Variants in TXNDC12 observed in about 807,000 individuals in gnomAD.
The protein encoded by TXNDC12 is thioredoxin domain-containing protein 12.
In TXNDC12, 22 loss-of-function variants were observed where a neutral mutation model predicts 24.2. The ratio of observed to expected loss-of-function variants is 0.91; its 90% confidence interval spans 0.65 to 1.30. The LOEUF is 1.30. Among genes scored for constraint, TXNDC12 ranks in the 50% most tolerant of loss-of-function variants. TXNDC12 has a pLI of 0.00. For missense variants in TXNDC12, 184 were observed against 205.8 expected (o/e 0.89, Z 0.65); for synonymous variants, 58 against 73.4 (o/e 0.79, Z 1.07).
chr1:52,033,252 T>C, intron 2 of TXNDC12: 1 of 1,613,990 alleles, frequency 6.2e-7, no homozygotes, highest in South Asian at 1.1e-5. Context: ...GTTCCTTGGG[T>C]ACGTCGGCCT....
At chr1:52,034,912 C>T (rs912077850) in intron 2 of TXNDC12, among the ~76,000 whole-genome samples, 7 of 151,954 alleles carry the variant, frequency 4.6e-5, no homozygotes, top group African/African-American at 1.2e-4. Context: ...TATGGGTGTG[C>T]GCCACCATAT....
chr1:52,030,606 C>T (rs1236145138), intron 2 of TXNDC12: 5 of 152,218 alleles, frequency 3.3e-5, no homozygotes, highest in African/African-American at 1.2e-4. Context: ...AATATACCAT[C>T]AACCAAGGCA....
upstream of TXNDC12, chr1:52,055,735 A>C (rs889008059): frequency 2.0e-5 from 3 of 152,294 alleles, no homozygotes; most frequent in African/African-American, 7.2e-5. Flanking sequence ...TTTTCCTTGC[A>C]ACCGCAAATC....
chr1:52,055,244 A>G (rs1339167700), upstream of TXNDC12: 14 of 629,174 alleles, frequency 2.2e-5, no homozygotes, highest in Non-Finnish European at 3.7e-5. Context: ...GTGATGTTAG[A>G]CGGATGTGGG....
chr1:52,023,411 C>G, intron 6 of TXNDC12, 80 bp downstream of exon 6: 1 of 1,172,958 alleles, frequency 8.5e-7, no homozygotes, highest in Non-Finnish European at 1.3e-6. Context: ...GCTGAATTTA[C>G]TTTCCTATCA....
At chr1:52,031,435 G>A (rs1685754148) in intron 2 of TXNDC12, among the ~76,000 whole-genome samples, 1 of 151,968 alleles carries the variant, frequency 6.6e-6, no homozygotes, top group Admixed American at 6.6e-5. Context: ...TGGGGTTACA[G>A]GCATGAGCCA....
chr1:52,030,926 T>G (rs1685742020), intron 2 of TXNDC12, among the ~76,000 whole-genome samples: 1 of 152,260 alleles, frequency 6.6e-6, no homozygotes, highest in Non-Finnish European at 1.5e-5. Context: ...TTCATGCTTA[T>G]TTGTTTACTT....
In TXNDC12 at chr1:52,055,179, C is replaced by A; in HGVS notation, c.-83G>T. ...ACGGTCCACACAGTTCGCCGAGCGCCGCTCAGCACAACACCTCTACTTCCC... is the reference window on the plus strand; with the variant it reads ...ACGGTCCACACAGTTCGCCGAGCGCAGCTCAGCACAACACCTCTACTTCCC... On this transcript the variant is annotated 5_prime_UTR_variant, in exon 1 of 7. Coordinates refer to ENST00000371626, the MANE Select transcript of TXNDC12 (RefSeq NM_015913.4). 1 of 950,868 alleles carries A rather than the reference C, an allele frequency of 1.1e-6. No homozygotes were observed. Among genetic ancestry groups the A allele is most frequent in the Non-Finnish European group, 1.7e-6 (1 of 590,508 alleles). The allele number at this position is 950,868 out of a possible 1,614,324, so 58.9% of individuals were successfully genotyped here.
At chr1:52,032,637 C>T (rs1301005854) in intron 2 of TXNDC12, 3 of 1,531,062 alleles carry the variant, frequency 2.0e-6, no homozygotes, top group African/African-American at 2.8e-5. Flanking sequence ...GCCTATTTTT[C>T]CCAGAGAAAT....
chr1:52,021,969 G>T (rs1003737163), intron 6 of TXNDC12, among the ~76,000 whole-genome samples: 13 of 152,280 alleles, frequency 8.5e-5, no homozygotes, highest in African/African-American at 3.1e-4. Context: ...TGGTAACTTG[G>T]ATGAAATTCT....
At chr1:52,023,795 AG>A (rs1422722897) in intron 5 of TXNDC12, among the ~76,000 whole-genome samples, 1 of 152,098 alleles carries the variant, frequency 6.6e-6, no homozygotes, top group Non-Finnish European at 1.5e-5. Context: ...AACAAAGATT[AG>A]GTGGTCATTA....
intron 2 of TXNDC12, chr1:52,033,794 G>A (rs1685830678): frequency 5.2e-6 from 8 of 1,534,984 alleles, no homozygotes; most frequent in Middle Eastern, 1.9e-4. Flanking sequence ...CAACCGCGCT[G>A]CGCCAACTTC....
chr1:52,022,703 C>T (rs564022557), intron 6 of TXNDC12, among the ~76,000 whole-genome samples: 6 of 147,906 alleles, frequency 4.1e-5, no homozygotes, highest in African/African-American at 1.5e-4. Context: ...CAATGGCGCA[C>T]GATCTTGGCT....
intron 2 of TXNDC12, among the ~76,000 whole-genome samples, chr1:52,039,054 A>T (rs1685938504): frequency 8.7e-6 from 1 of 114,362 alleles, no homozygotes; most frequent in African/African-American, 3.4e-5. Flanking sequence ...CTCAAAATGG[A>T]TTCATCTGGC....
intron 4 of TXNDC12, among the ~76,000 whole-genome samples, chr1:52,026,767 G>A (rs1685676650): frequency 6.6e-6 from 1 of 152,048 alleles, no homozygotes; most frequent in Admixed American, 6.6e-5. Context: ...CAAACGCGGT[G>A]GCTCACATCT....
At position 52,020,897 on chromosome 1, in the gene TXNDC12, A is replaced by G; in HGVS notation, c.*36T>C. Reference sequence around the variant, plus strand: ...CCCTTCCCTGCTGCTTTCCTTCCAGAACACTAACTCTGATGAAAGAAGGGG... The same window carrying G: ...CCCTTCCCTGCTGCTTTCCTTCCAGGACACTAACTCTGATGAAAGAAGGGG... On this transcript the variant is annotated 3_prime_UTR_variant, in exon 7 of 7. Coordinates refer to ENST00000371626, the MANE Select transcript of TXNDC12 (RefSeq NM_015913.4). 6.5e-7 allele frequency: 1 copy of G among 1,549,800 alleles called. No individual in the cohort carries two copies.
At chr1:52,045,946 C>T (rs1472062617) in intron 1 of TXNDC12, among the ~76,000 whole-genome samples, 3 of 152,128 alleles carry the variant, frequency 2.0e-5, no homozygotes, top group African/African-American at 7.2e-5. Context: ...TGGATGGTGG[C>T]TCATGCCTGT....
chr1:52,031,909 T>C lies in TXNDC12; in HGVS notation c.159-3279A>G, dbSNP rs1685769282. Among the ~76,000 whole-genome samples the C allele has an allele frequency of 2.6e-5, 4 of 152,228 alleles. No homozygotes were observed. The South Asian group carries it at 8.3e-4, about 32-fold the overall frequency. On this transcript the variant is annotated intron_variant, in intron 2 of 6. Transcript: ENST00000371626. ...AGAATGAAAGACAAGCTTACAATGA[T>C]ATTTGCCTTGAAATGCAGAATGAAG...
chr1:52,030,933 A>G (rs1685742127), intron 2 of TXNDC12, among the ~76,000 whole-genome samples: 1 of 152,178 alleles, frequency 6.6e-6, no homozygotes, highest in Non-Finnish European at 1.5e-5. Flanking sequence ...TTATTTGTTT[A>G]CTTACCATCT....
Sources: allele counts gnomAD v4.1 joint callset (sites outside exome capture counted in the v4.1 genomes callset), GRCh38; gene constraint gnomAD v4.1.1; transcripts MANE v1.5; gene names NCBI Gene and HGNC (gene_info 2026-07-23, HGNC 2026-07-21).